The following TPD52 variants were observed in gnomAD, a reference collection of about 807,000 sequenced individuals.
TPD52 encodes prostate and colon associated protein.
A neutral mutation model predicts 31.3 loss-of-function variants in TPD52; 17 were observed. The ratio of observed to expected loss-of-function variants is 0.54; its 90% confidence interval spans 0.37 to 0.82. TPD52 has a LOEUF of 0.82. Ranked by LOEUF, TPD52 falls within the 40% of genes least tolerant of loss-of-function variation. The probability of loss-of-function intolerance (pLI) is 0.00; values close to 1 mark genes in which losing one functional copy is unlikely to be tolerated. For synonymous variants in TPD52, 83 were observed against 89.6 expected, an observed-to-expected ratio of 0.93 and a Z score of 0.42; for missense variants, 212 against 240.1, an observed-to-expected ratio of 0.88 and a Z score of 0.77.
chr8:80,057,782 G>A (rs558821426), intron 2 of TPD52, among the ~76,000 whole-genome samples: 8 of 151,852 alleles, frequency 5.3e-5, no homozygotes, highest in East Asian at 3.9e-4. Context: ...TAACAAACCC[G>A]CACATGTACC....
intron 1 of TPD52, among the ~76,000 whole-genome samples, chr8:80,068,648 C>T (rs535042031): frequency 2.6e-5 from 4 of 152,256 alleles, no homozygotes; most frequent in African/African-American, 9.6e-5. Context: ...CAAGTCTAGA[C>T]TTGTCTTTGG....
At chr8:80,120,208 G>A (rs1026756303) in intron 1 of TPD52, among the ~76,000 whole-genome samples, 15 of 152,144 alleles carry the variant, frequency 9.9e-5, no homozygotes, top group Non-Finnish European at 4.4e-5. Context: ...AAAAATAATA[G>A]GCTGGACGCG....
intron 1 of TPD52, among the ~76,000 whole-genome samples, chr8:80,068,340 C>T (rs1387030082): frequency 1.3e-5 from 2 of 152,106 alleles, no homozygotes; most frequent in African/African-American, 4.8e-5. Context: ...AGCTCCATCA[C>T]GAACATCTTA....
At chr8:80,052,599 T>C (rs2130542119) in intron 3 of TPD52, 3 of 1,285,680 alleles carry the variant, frequency 2.3e-6, no homozygotes, top group Non-Finnish European at 2.0e-6. Context: ...ACAACTTCTG[T>C]GCTCACCAGC....
At chr8:80,070,528 C>T (rs916031676) in intron 1 of TPD52, among the ~76,000 whole-genome samples, 3 of 152,086 alleles carry the variant, frequency 2.0e-5, no homozygotes, top group Non-Finnish European at 4.4e-5. Flanking sequence ...CTAGATCCCT[C>T]GCATGTGTGG....
intron 1 of TPD52, among the ~76,000 whole-genome samples, chr8:80,132,685 A>G (rs1809104207): frequency 6.6e-6 from 1 of 152,220 alleles, no homozygotes; most frequent in South Asian, 2.1e-4. Context: ...GGTTTACAAC[A>G]TACCAGGGTG....
chr8:80,106,341 ATTG>A (rs940451262), intron 1 of TPD52, among the ~76,000 whole-genome samples: 6 of 151,964 alleles, frequency 3.9e-5, no homozygotes, highest in Non-Finnish European at 8.8e-5. Flanking sequence ...CAGTAGGTTT[ATTG>A]TTGTTGTTGT....
At chr8:80,139,049 G>A (rs1249518454) in intron 1 of TPD52, among the ~76,000 whole-genome samples, 1 of 152,072 alleles carries the variant, frequency 6.6e-6, no homozygotes, top group Non-Finnish European at 1.5e-5. Context: ...CCTCCCGTGA[G>A]ATTTCTACAA....
Position 80,051,553 on chromosome 8 carries a change from G to A in TPD52, c.360C>T (p.Val120=). 1 of 1,613,758 alleles carries A rather than the reference G, an allele frequency of 6.2e-7. No homozygotes were observed. Among genetic ancestry groups the A allele is most frequent in the Non-Finnish European group, 8.5e-7 (1 of 1,179,774 alleles). ...ASAAFSSVGS[V]ITKKLEDVKL... is the part of the protein sequence containing the mutation. ...TTACATCTTCCAGCTTTTTGGTGAT[G>A]ACTGAGCCAACAGACGAAAAAGCAG... The change falls in exon 4 of 8, where the codon GTC becomes GTT. Residue 120 remains valine (V), a synonymous_variant. Coordinates refer to ENST00000518937, the MANE Select transcript of TPD52 (RefSeq NM_001025253.3).
intron 1 of TPD52, among the ~76,000 whole-genome samples, chr8:80,139,054 C>G (rs1207627759): frequency 6.6e-6 from 1 of 152,090 alleles, no homozygotes; most frequent in East Asian, 1.9e-4. Flanking sequence ...CGTGAGATTT[C>G]TACAACTGAC....
At chr8:80,103,452 A>C (rs1275880145) in intron 1 of TPD52, among the ~76,000 whole-genome samples, 1 of 152,218 alleles carries the variant, frequency 6.6e-6, no homozygotes, top group Non-Finnish European at 1.5e-5. Flanking sequence ...TTGTGGTCTG[A>C]TGCTACCCCA....
intron 1 of TPD52, among the ~76,000 whole-genome samples, chr8:80,078,258 A>G (rs1365835219): frequency 6.6e-6 from 1 of 152,216 alleles, no homozygotes; most frequent in Non-Finnish European, 1.5e-5. Context: ...GATAAATATC[A>G]GAGATATTTT....
At chr8:80,064,900 G>A in intron 1 of TPD52, 1 of 522,772 alleles carries the variant, frequency 1.9e-6, no homozygotes, top group Non-Finnish European at 3.6e-6. Context: ...ATGAGATCTT[G>A]CTGAGACTTT....
At chr8:80,082,591 G>A (rs1815404851) in intron 1 of TPD52, among the ~76,000 whole-genome samples, 1 of 152,200 alleles carries the variant, frequency 6.6e-6, no homozygotes, top group African/African-American at 2.4e-5. Flanking sequence ...TACCTGAAAT[G>A]TCACCTTTTT....
intron 1 of TPD52, among the ~76,000 whole-genome samples, chr8:80,122,184 A>G (rs1168048133): frequency 6.6e-6 from 1 of 152,216 alleles, no homozygotes; most frequent in Non-Finnish European, 1.5e-5. Flanking sequence ...CTATGGTGAC[A>G]CGTCACATCT....
chr8:80,051,783 C>A (rs1455155540), intron 3 of TPD52, 155 bp from the exon 4 acceptor site: 2 of 602,166 alleles, frequency 3.3e-6, no homozygotes, highest in South Asian at 4.4e-5. Flanking sequence ...ACCAGCAGAG[C>A]GGCATCACCA....
chr8:80,170,184 G>T (rs1013859563), intron 1 of TPD52, among the ~76,000 whole-genome samples: 1 of 152,184 alleles, frequency 6.6e-6, no homozygotes, highest in African/African-American at 2.4e-5. Context: ...GGAGGCTGAG[G>T]CGGGTGGATC....
Position 80,127,835 on chromosome 8 carries a change from CACAG to C in TPD52, c.19+43586_19+43589del, listed in dbSNP as rs755796948. 7.1e-3 allele frequency among the ~76,000 whole-genome samples: 269 copies of C among 37,746 alleles called. 2 individuals are homozygous for C. The highest frequency in any genetic ancestry group is 0.036 in the East Asian group (8 of 220). The allele number at this position is 37,746 out of a possible 152,430, so 24.8% of individuals were successfully genotyped here. On this transcript the variant is annotated intron_variant, in intron 1 of 7. Coordinates refer to ENST00000518937, the MANE Select transcript of TPD52 (RefSeq NM_001025253.3). ...ACACACACACACACACACACACACA[CACAG>C]AGATACATAATAAAAAATATAAAGG...
intron 2 of TPD52, among the ~76,000 whole-genome samples, chr8:80,059,762 G>A (rs199621904): frequency 4.7e-4 from 14 of 29,800 alleles, no homozygotes; most frequent in Non-Finnish European, 1.1e-3. Context: ...GCTGAGGCAG[G>A]AGAATCGCTT....
Sources: allele counts gnomAD v4.1 joint callset (sites outside exome capture counted in the v4.1 genomes callset), GRCh38; gene constraint gnomAD v4.1.1; transcripts MANE v1.5; gene names NCBI Gene and HGNC (gene_info 2026-07-23, HGNC 2026-07-21).